The following PTGIS variants were observed in gnomAD, a reference collection of about 807,000 sequenced individuals.
PTGIS encodes the protein prostacyclin synthase.
PTGIS carries 45 observed loss-of-function variants against 50.3 expected under a neutral mutation model. The observed-to-expected ratio is 0.90, with a 90% CI of 0.70 to 1.15. The LOEUF is 1.15. Ranked by LOEUF, PTGIS falls within the 50% of genes most tolerant of loss-of-function variation. The probability of loss-of-function intolerance (pLI) is 0.00; values close to 1 mark genes in which losing one functional copy is unlikely to be tolerated. For missense variants in PTGIS, 668 were observed against 661.3 expected (o/e 1.01, Z -0.11); for synonymous variants, 260 against 267.7 (o/e 0.97, Z 0.28).
At chr20:49,514,775 G>T (rs960064788) in intron 6 of PTGIS, among the ~76,000 whole-genome samples, 1 of 152,156 alleles carries the variant, frequency 6.6e-6, no homozygotes, top group African/African-American at 2.4e-5. Flanking sequence ...CAGAATCCAC[G>T]CTCCTTACCA....
At chr20:49,568,013 T>A in intron 1 of PTGIS, 30 bp downstream of exon 1, 1 of 1,467,840 alleles carries the variant, frequency 6.8e-7, no homozygotes, top group Admixed American at 2.4e-5. Context: ...CCCCTTTGTC[T>A]GGCGGGGCCG....
At chr20:49,514,145 CAGGAGTCCATGTTG>C (rs1281695945) in intron 7 of PTGIS, 68 bp downstream of exon 7, 1 of 1,545,060 alleles carries the variant, frequency 6.5e-7, no homozygotes, top group East Asian at 2.2e-5. Flanking sequence ...CCCTGGAAGA[CAGGAGTCCATGTTG>C]GGGAGGGCTT....
At position 49,559,176 on chromosome 20, in the gene PTGIS, A is replaced by G. The variant is rs552206284; in HGVS notation, c.74+8867T>C. Among the ~76,000 whole-genome samples, 10 of 152,336 alleles carry G rather than the reference A, an allele frequency of 6.6e-5. No individual in the cohort carries two copies. The East Asian group carries it at 1.7e-3, about 26-fold the overall frequency. ...GAACAAAAGCCTTCTTAGTTTAAGAATAAGTTTTGCTTTAAAGATAATAAT... is the reference window on the plus strand; with the variant it reads ...GAACAAAAGCCTTCTTAGTTTAAGAGTAAGTTTTGCTTTAAAGATAATAAT... On this transcript the variant is annotated intron_variant, in intron 1 of 9. Coordinates refer to ENST00000244043, the MANE Select transcript of PTGIS (RefSeq NM_000961.4).
rs141929048 is a variant in PTGIS at position 49,557,545 on chromosome 20, G to A, written c.75-7356C>T. On this transcript the variant is annotated intron_variant, in intron 1 of 9. Coordinates refer to ENST00000244043, the MANE Select transcript of PTGIS (RefSeq NM_000961.4). ...AGGTTGAGGCTGCAGAGCAAAAAAC[G>A]TGCAGGAAGAAAGAAAAGAAAAAAA... 7.6e-3 allele frequency among the ~76,000 whole-genome samples: 1,091 copies of A among 143,312 alleles called. 7 individuals carry two copies. The highest frequency in any genetic ancestry group is 0.013 in the Non-Finnish European group (838 of 66,340). The allele number at this position is 143,312 out of a possible 152,430, so 94.0% of individuals were successfully genotyped here.
At chr20:49,514,021 T>C (rs1316816661) in intron 7 of PTGIS, among the ~76,000 whole-genome samples, 7 of 152,166 alleles carry the variant, frequency 4.6e-5, no homozygotes, top group Admixed American at 3.9e-4. Flanking sequence ...CCTTAGTCAA[T>C]TGAAGTTAGG....
At chr20:49,509,247 C>T (rs949694598) in intron 9 of PTGIS, among the ~76,000 whole-genome samples, 1 of 152,218 alleles carries the variant, frequency 6.6e-6, no homozygotes, top group Non-Finnish European at 1.5e-5. Flanking sequence ...GTGCCCACCC[C>T]TGGATTTGAA....
rs375105327 is a variant in PTGIS at position 49,513,052 on chromosome 20, C to T, written c.1206+28G>A. 31 of 1,613,746 alleles carry T rather than the reference C, an allele frequency of 1.9e-5. No homozygotes were observed. In the African/African-American group the frequency reaches 4.0e-4, roughly 21 times the overall value. On this transcript the variant is annotated intron_variant, in intron 8 of 9. Transcript: ENST00000244043. Reference sequence around the variant, plus strand: ...TCACTGATTGTTCTCCCACAGACCCCATATGACCAGGCGCCCCTGCCATTT... The same window carrying T: ...TCACTGATTGTTCTCCCACAGACCCTATATGACCAGGCGCCCCTGCCATTT...
At position 49,544,331 on chromosome 20, in the gene PTGIS, G is replaced by A. The variant is rs888351764; in HGVS notation, c.495C>T (p.Leu165=). 7 of 1,614,164 alleles carry A rather than the reference G, an allele frequency of 4.3e-6. No homozygotes were observed. The highest frequency in any genetic ancestry group is 1.3e-5 in the African/African-American group (1 of 75,050). The change falls in exon 4 of 10, where the codon CTC becomes CTT. Residue 165 remains leucine, a synonymous_variant. Transcript: ENST00000244043. ...TGAGCAGGAAGCTGTAGGAGAAGTC[G>A]AGGAGACCCATCTCGTGCCAGCCAC... The part of the protein sequence containing the change: ...AGSGWHEMGL[L]DFSYSFLLRA...
Position 49,568,120 on chromosome 20 carries a change from G to GGGGCTGGCGGGGCTGGCGGGGCTGGCA in PTGIS, c.-5_-4insTGCCAGCCCCGCCAGCCCCGCCAGCCC, listed in dbSNP as rs1982955557. 1 of 1,052,662 alleles carries GGGGCTGGCGGGGCTGGCGGGGCTGGCA rather than the reference G, an allele frequency of 9.5e-7. No individual in the cohort carries two copies. The highest frequency in any genetic ancestry group is 1.7e-5 in the African/African-American group (1 of 58,196). 65.2% of individuals were successfully genotyped at this position (1,052,662 alleles called of 1,614,324 possible). A position where few individuals can be genotyped will look rare whatever the true frequency, so the allele number is the denominator to read the frequency against. Reference sequence around the variant, plus strand: ...CGAGGAGCGCGGCCCAAGCCATCGCGGGGCTGGCGGGGCTGGCGGGGCTGG... The same window carrying GGGGCTGGCGGGGCTGGCGGGGCTGGCA: ...CGAGGAGCGCGGCCCAAGCCATCGCGGGGCTGGCGGGGCTGGCGGGGCTGGCAGGGCTGGCGGGGCTGGCGGGGCTGG... On this transcript the variant is annotated 5_prime_UTR_variant, in exon 1 of 10. Transcript: ENST00000244043.
At chr20:49,557,024 T>C (rs1301525111) in intron 1 of PTGIS, among the ~76,000 whole-genome samples, 1 of 152,204 alleles carries the variant, frequency 6.6e-6, no homozygotes, top group African/African-American at 2.4e-5. Context: ...CCTACTGATA[T>C]ACGGACTTGA....
intron 6 of PTGIS, among the ~76,000 whole-genome samples, chr20:49,517,468 G>C (rs1207583486): frequency 6.6e-6 from 1 of 152,194 alleles, no homozygotes; most frequent in Non-Finnish European, 1.5e-5. Context: ...GTGTGTGTGT[G>C]TGTGTGTGTG....
chr20:49,531,174 C>T (rs6095569), intron 5 of PTGIS, among the ~76,000 whole-genome samples: 11,157 of 152,032 alleles, frequency 0.073, 1,258 homozygotes, highest in African/African-American at 0.24. Context: ...TTAAACCACG[C>T]GAAATAATTT....
intron 1 of PTGIS, among the ~76,000 whole-genome samples, chr20:49,563,117 C>A (rs1040250174): frequency 6.6e-6 from 1 of 152,162 alleles, no homozygotes; most frequent in Non-Finnish European, 1.5e-5. Context: ...GACTGCCCAA[C>A]CTCTCTGTTC....
chr20:49,537,329 G>C (rs115396176), intron 5 of PTGIS, among the ~76,000 whole-genome samples: 1 of 152,206 alleles, frequency 6.6e-6, no homozygotes, highest in Non-Finnish European at 1.5e-5. Flanking sequence ...CCAACACTAA[G>C]TACGCTCTGC....
chr20:49,540,803 T>C lies in PTGIS; in HGVS notation c.522-1082A>G, dbSNP rs944178657. Among the ~76,000 whole-genome samples the C allele has an allele frequency of 2.0e-5, 3 of 152,162 alleles. No individual in the cohort carries two copies. Among genetic ancestry groups the C allele is most frequent in the Admixed American group, 6.5e-5 (1 of 15,280 alleles). ...GGGAGGGAAACTGCAGGCTTTCATT[T>C]TGTCATCTCTGCCTCAGCAGAGAGT... On this transcript the variant is annotated intron_variant, in intron 4 of 9. Coordinates refer to ENST00000244043, the MANE Select transcript of PTGIS (RefSeq NM_000961.4). The surrounding 1 kb of genome is among the most constrained non-coding windows in gnomAD (Gnocchi z 4.8).
chr20:49,558,811 T>A (rs975186118), intron 1 of PTGIS, among the ~76,000 whole-genome samples: 4 of 151,940 alleles, frequency 2.6e-5, no homozygotes. Flanking sequence ...CCTCCCAGGT[T>A]CAAGTGATTC....
At chr20:49,543,462 A>G (rs1982280454) in intron 4 of PTGIS, among the ~76,000 whole-genome samples, 1 of 151,952 alleles carries the variant, frequency 6.6e-6, no homozygotes, top group African/African-American at 2.4e-5. Flanking sequence ...ACTCAGCATA[A>G]TTTCCAAAGC....
chr20:49,547,702 G>T, intron 3 of PTGIS, 139 bp downstream of exon 3: 7 of 1,005,732 alleles, frequency 7.0e-6, no homozygotes, highest in Admixed American at 5.4e-5. Flanking sequence ...GTTGTTTTTT[G>T]TTTTGTTTCT....
rs749023381 is a variant in PTGIS at position 49,513,280 on chromosome 20, A to G, written c.1025-19T>C. ...ACGCTATCTGCATGGGGCAGGTGCA[A>G]GGAAGAGTCAGCGGGCTATCCCTTC... On this transcript the variant is annotated intron_variant, in intron 7 of 9. Transcript: ENST00000244043. 3.1e-6 allele frequency: 5 copies of G among 1,610,624 alleles called. No individual in the cohort carries two copies. Among genetic ancestry groups the G allele is most frequent in the Non-Finnish European group, 1.7e-6 (2 of 1,179,240 alleles).
Sources: gnomAD v4.1 joint callset for allele counts (sites outside exome capture counted in the v4.1 genomes callset) on GRCh38, gnomAD v4.1.1 for gene constraint, Gnocchi (gnomAD v3.1) non-coding constraint, MANE v1.5 for transcripts, NCBI Gene and HGNC (gene_info 2026-07-23, HGNC 2026-07-21) for gene names.